FAM217B: variants seen among roughly 807,000 people sequenced by gnomAD.
FAM217B encodes the protein protein FAM217B.
For missense variants in FAM217B, 463 were observed against 456.9 expected (o/e 1.01, Z -0.12); for synonymous variants, 163 against 173.0 (o/e 0.94, Z 0.45).
At chr20:59,939,204 G>C (rs753780608), upstream of FAM217B, 99 of 1,609,896 alleles carry the variant, frequency 6.1e-5, no homozygotes, top group Non-Finnish European at 8.2e-5. Flanking sequence ...CAGGAAGGGC[G>C]GTACTGGAAA....
chr20:59,948,671 A>G lies in FAM217B; in HGVS notation c.*3576A>G, dbSNP rs2060951982. 1.2e-5 allele frequency: 2 copies of G among 166,646 alleles called. 1 individual carries two copies. The highest frequency in any genetic ancestry group is 4.1e-4 in the South Asian group (2 of 4,820). 10.3% of individuals were successfully genotyped at this position (166,646 alleles called of 1,614,324 possible). On this transcript the variant is annotated 3_prime_UTR_variant, in exon 4 of 4. Coordinates refer to ENST00000360816, the MANE Select transcript of FAM217B (RefSeq NM_022106.3). ...GAGATCAATTAAACAGCAGAAAAAT[A>G]TTGTCTGGATTTTTCTGGTATTGTT...
upstream of FAM217B, chr20:59,938,837 T>G: frequency 8.6e-6 from 4 of 467,450 alleles, no homozygotes; most frequent in Non-Finnish European, 1.4e-5. Flanking sequence ...TGAGGCTACT[T>G]TTTAGACCAA....
rs2060910044 is a variant in FAM217B at position 59,942,302 on chromosome 20, C to T, written c.-98C>T. The T allele has an allele frequency of 1.3e-5, 2 of 152,598 alleles. No individual in the cohort carries two copies. The highest frequency in any genetic ancestry group is 2.9e-5 in the Non-Finnish European group (2 of 68,028). 9.5% of individuals were successfully genotyped at this position (152,598 alleles called of 1,614,324 possible). A position where few individuals can be genotyped will look rare whatever the true frequency, so the allele number is the denominator to read the frequency against. On this transcript the variant is annotated 5_prime_UTR_variant, in exon 2 of 4. Coordinates refer to ENST00000360816, the MANE Select transcript of FAM217B (RefSeq NM_022106.3). ...TTGAGCAAGAATATTTTGAGCACTA[C>T]AGGAAAGGTAATGTAAACTTAGAAG...
chr20:59,939,711 G>A, upstream of FAM217B: 6 of 1,323,310 alleles, frequency 4.5e-6, no homozygotes, highest in Non-Finnish European at 5.8e-6. Flanking sequence ...GCTGGGCAGT[G>A]AGCGCGCCCG....
rs555241321 is a variant in FAM217B at position 59,946,520 on chromosome 20, C to T, written c.*1425C>T. ...ACAAGATTATGTAGCTCTAATTATA[C>T]GTATATAATTATAAAAAACAATGTG... On this transcript the variant is annotated 3_prime_UTR_variant, in exon 4 of 4. Transcript: ENST00000360816. 7.8e-5 allele frequency: 13 copies of T among 166,876 alleles called. No individual in the cohort carries two copies. The South Asian group carries it at 1.0e-3, about 13-fold the overall frequency. 10.3% of individuals were successfully genotyped at this position (166,876 alleles called of 1,614,324 possible).
At chr20:59,941,029 G>A (rs762308242) in intron 1 of FAM217B, among the ~76,000 whole-genome samples, 6 of 152,210 alleles carry the variant, frequency 3.9e-5, no homozygotes, top group Non-Finnish European at 8.8e-5. Context: ...TTTTAGCTTT[G>A]TTTCCAAGCA....
chr20:59,941,186 G>C (rs1055143790), intron 1 of FAM217B, among the ~76,000 whole-genome samples: 4 of 152,214 alleles, frequency 2.6e-5, no homozygotes, highest in Non-Finnish European at 5.9e-5. Flanking sequence ...TAGAAAAGAT[G>C]CAAGTGCACT....
upstream of FAM217B, among the ~76,000 whole-genome samples, chr20:59,936,193 T>C (rs955791203): frequency 6.6e-6 from 1 of 152,144 alleles, no homozygotes; most frequent in South Asian, 2.1e-4. Context: ...ACAGAAAAGA[T>C]ACGGAAAAAA....
At position 59,944,237 on chromosome 20, in the gene FAM217B, T is replaced by C. The variant is rs1002037502; in HGVS notation, c.294T>C (p.Ser98=). The C allele has an allele frequency of 3.1e-6, 5 of 1,614,094 alleles. No individual in the cohort carries two copies. In the African/African-American group the frequency reaches 5.3e-5, roughly 17 times the overall value. ...NADEDSASDL[S]DSERIPIPPS... ...ATGAGGACAGTGCAAGTGATCTCTC[T>C]GATTCGGAAAGAATTCCCATTCCTC... Residue 98 remains serine, a synonymous_variant, in exon 4 of 4, where the codon TCT becomes TCC. Coordinates refer to ENST00000360816, the MANE Select transcript of FAM217B (RefSeq NM_022106.3).
At chr20:59,936,113 C>T (rs914433850), upstream of FAM217B, among the ~76,000 whole-genome samples, 1 of 152,188 alleles carries the variant, frequency 6.6e-6, no homozygotes, top group African/African-American at 2.4e-5. Context: ...GGCTGCAAAC[C>T]TGTATACAGC....
rs199664036 is a variant in FAM217B, at chr20:59,946,505, G to A, written c.*1410G>A. 1.2e-5 allele frequency: 2 copies of A among 166,966 alleles called. No individual in the cohort carries two copies. The highest frequency in any genetic ancestry group is 2.9e-5 in the Non-Finnish European group (2 of 68,120). 10.3% of individuals were successfully genotyped at this position (166,966 alleles called of 1,614,324 possible). A position where few individuals can be genotyped will look rare whatever the true frequency, so the allele number is the denominator to read the frequency against. ...AAAAACAGCATAAAGACAAGATTAT[G>A]TAGCTCTAATTATACGTATATAATT... is the stretch of plus-strand genomic sequence containing the variant. On this transcript the variant is annotated 3_prime_UTR_variant, in exon 4 of 4. Coordinates refer to ENST00000360816, the MANE Select transcript of FAM217B (RefSeq NM_022106.3).
upstream of FAM217B, chr20:59,938,690 G>A: frequency 4.6e-6 from 1 of 216,058 alleles, no homozygotes; most frequent in Non-Finnish European, 9.1e-6. Flanking sequence ...CAGGACACAT[G>A]CAAAAGCTTT....
intron 1 of FAM217B, among the ~76,000 whole-genome samples, chr20:59,935,387 GA>G (rs1254044234): frequency 6.6e-6 from 1 of 151,678 alleles, no homozygotes; most frequent in Non-Finnish European, 1.5e-5. Flanking sequence ...CAACATGGAA[GA>G]AAAAAAGGAT....
chr20:59,944,956 C>G lies in FAM217B; in HGVS notation c.1013C>G (p.Ser338Cys). 4 of 1,614,154 alleles carry G rather than the reference C, an allele frequency of 2.5e-6. No homozygotes were observed. Among genetic ancestry groups the G allele is most frequent in the Non-Finnish European group, 3.4e-6 (4 of 1,180,040 alleles). ...GCTGTGATTCTGGACTCAGCAGATTCCTGTAAGGCCTCCAAAACACAAGCA... is the reference window on the plus strand; with the variant it reads ...GCTGTGATTCTGGACTCAGCAGATTGCTGTAAGGCCTCCAAAACACAAGCA... ...QAAVILDSAD[S>C]CKASKTQAHA... is the part of the protein sequence containing the mutation. The change falls in exon 4 of 4, where the codon TCC (serine) becomes TGC (cysteine). Residue 338 changes from serine to cysteine, a missense_variant. Ser to Cys is a moderately radical substitution (Grantham distance 112). Coordinates refer to ENST00000360816, the MANE Select transcript of FAM217B (RefSeq NM_022106.3).
chr20:59,938,138 G>A (rs1725215226), upstream of FAM217B: 1 of 152,222 alleles, frequency 6.6e-6, no homozygotes, highest in Non-Finnish European at 1.5e-5. Flanking sequence ...ACTGTTGCCT[G>A]AAATTCTCTA....
rs1029039140 is a variant in FAM217B at position 59,940,507 on chromosome 20, G to C, written c.-231G>C. On this transcript the variant is annotated 5_prime_UTR_variant, in exon 1 of 4. Transcript: ENST00000360816. ...GAGAGGAAGGAAGGCTGGCAGCCTC[G>C]TCACGTGTCCGCTGCAGTCGCGAAA... 1 of 152,230 alleles carries C rather than the reference G, an allele frequency of 6.6e-6. No individual in the cohort carries two copies. Among genetic ancestry groups the C allele is most frequent in the South Asian group, 2.1e-4 (1 of 4,836 alleles). 9.4% of individuals were successfully genotyped at this position (152,230 alleles called of 1,614,324 possible).
At chr20:59,938,890 C>G, upstream of FAM217B, 1 of 775,356 alleles carries the variant, frequency 1.3e-6, no homozygotes, top group Non-Finnish European at 1.9e-6. Flanking sequence ...GGGCCACTGC[C>G]AGGGGACCTT....
chr20:59,939,988 C>G (rs374420095), upstream of FAM217B: 3 of 1,223,572 alleles, frequency 2.5e-6, no homozygotes, highest in African/African-American at 3.1e-5. Context: ...CCCGACCCCG[C>G]GACAGCTCCC....
At chr20:59,939,515 C>G (rs2060884989), upstream of FAM217B, 1 of 1,611,960 alleles carries the variant, frequency 6.2e-7, no homozygotes, top group Non-Finnish European at 8.5e-7. Context: ...AGCACAGGTC[C>G]GAGTTGATTG....
Sources: allele counts gnomAD v4.1 joint callset (sites outside exome capture counted in the v4.1 genomes callset), GRCh38; gene constraint gnomAD v4.1.1; transcripts MANE v1.5; gene names NCBI Gene and HGNC (gene_info 2026-07-23, HGNC 2026-07-21).